USH2A: variants seen among roughly 807,000 people sequenced by gnomAD.
The protein encoded by USH2A is usherin.
USH2A carries 443 observed loss-of-function variants against 538.9 expected under a neutral mutation model. The observed-to-expected ratio is 0.82, with a 90% CI of 0.76 to 0.89. The LOEUF (loss-of-function observed/expected upper bound fraction) is 0.89, where lower values mean the gene tolerates loss of function less well. Ranked by LOEUF, USH2A falls within the 40% of genes least tolerant of loss-of-function variation. USH2A has a pLI of 0.00. For synonymous variants in USH2A, 2,413 were observed against 2,273.5 expected, an observed-to-expected ratio of 1.06 and a Z score of -1.75; for missense variants, 6,633 against 6,324.8, an observed-to-expected ratio of 1.05 and a Z score of -1.65.
chr1:215,823,307 G>T (rs916875742), intron 47 of USH2A, among the ~76,000 whole-genome samples: 11 of 151,968 alleles, frequency 7.2e-5, no homozygotes, highest in African/African-American at 2.7e-4. Context: ...TTTATTGTAT[G>T]CAGTACTTTT....
At position 216,182,062 on chromosome 1, in the gene USH2A, C is replaced by T. The variant is rs1283704118; in HGVS notation, c.4397-6580G>A. On this transcript the variant is annotated intron_variant, in intron 20 of 71. Transcript: ENST00000307340. Reference sequence around the variant, plus strand: ...GACCTATTTTAATAGGATACTTAGGCTTTAAATTAAAAGGAGGGGGCACTG... The same window carrying T: ...GACCTATTTTAATAGGATACTTAGGTTTTAAATTAAAAGGAGGGGGCACTG... 3.3e-5 allele frequency among the ~76,000 whole-genome samples: 5 copies of T among 151,998 alleles called. No homozygotes were observed. In the East Asian group the frequency reaches 9.7e-4, roughly 29 times the overall value.
At chr1:216,250,760 A>G (rs2036142186) in intron 12 of USH2A, 143 bp downstream of exon 12, 1 of 835,828 alleles carries the variant, frequency 1.2e-6, no homozygotes, top group Non-Finnish European at 2.0e-6. Context: ...CATTTTAAAC[A>G]GTTAATTTCA....
At chr1:216,348,612 A>AT (rs1270215910) in intron 4 of USH2A, among the ~76,000 whole-genome samples, 1 of 152,116 alleles carries the variant, frequency 6.6e-6, no homozygotes, top group South Asian at 2.1e-4. Flanking sequence ...AAAAATAGTT[A>AT]TTTTTTAGCA....
chr1:215,911,781 C>G (rs1665791110), intron 38 of USH2A, among the ~76,000 whole-genome samples: 1 of 152,044 alleles, frequency 6.6e-6, no homozygotes, highest in Admixed American at 6.6e-5. Context: ...TGAGAAACCT[C>G]CAAATGGTTC....
chr1:215,809,641 A>G (rs1408325339), intron 49 of USH2A, among the ~76,000 whole-genome samples: 7 of 152,102 alleles, frequency 4.6e-5, no homozygotes, highest in Non-Finnish European at 1.0e-4. Context: ...CTAACAGTTA[A>G]TTGTTATTCT....
At position 215,867,040 on chromosome 1, in the gene USH2A, G is replaced by C; in HGVS notation, c.8812C>G (p.His2938Asp). The stretch of plus-strand genomic sequence containing the variant: ...GCCCACCTCACGTCGATGGCTGTGT[G>C]GTTAAGGACACTCGCAGTGAGATTG... ...GANLTASVLN[H>D]TAIDVRWAKP... The change falls in exon 44 of 72, where the codon CAC becomes GAC. Residue 2938 changes from histidine to aspartate, a missense_variant. Coordinates refer to ENST00000307340, the MANE Select transcript of USH2A (RefSeq NM_206933.4). 1 of 1,614,174 alleles carries C rather than the reference G, an allele frequency of 6.2e-7. No homozygotes were observed. The highest frequency in any genetic ancestry group is 1.1e-5 in the South Asian group (1 of 91,084).
intron 35 of USH2A, among the ~76,000 whole-genome samples, chr1:215,977,069 TCA>T (rs1474644708): frequency 1.3e-5 from 2 of 151,216 alleles, no homozygotes; most frequent in Non-Finnish European, 2.9e-5. Context: ...AAACACATCC[TCA>T]GAGACTATTA....
intron 1 of USH2A, 66 bp from the exon 2 acceptor site, chr1:216,422,606 A>C (rs2039698648): frequency 2.3e-6 from 1 of 436,416 alleles, no homozygotes; most frequent in African/African-American, 2.0e-5. Flanking sequence ...AGCTCATCCC[A>C]GGCCTGAGGA....
At chr1:216,287,406 G>T (rs1187749293) in intron 11 of USH2A, among the ~76,000 whole-genome samples, 3 of 152,144 alleles carry the variant, frequency 2.0e-5, no homozygotes, top group Non-Finnish European at 4.4e-5. Context: ...TGTTAAGAAA[G>T]AAATCTAGAG....
intron 61 of USH2A, among the ~76,000 whole-genome samples, chr1:215,716,555 C>T (rs530972869): frequency 3.4e-4 from 51 of 152,086 alleles, no homozygotes; most frequent in Non-Finnish European, 6.3e-4. Context: ...GGAATTTGTA[C>T]GATAAAATTC....
Position 215,846,034 on chromosome 1 carries a change from C to T in USH2A, c.8846-1G>A, listed in dbSNP as rs771051185. ...ACTTCACCTTGTAGGTCTTGAACAGCTGTCAACAATAAATGCAGGACATGG... is the reference window on the plus strand; with the variant it reads ...ACTTCACCTTGTAGGTCTTGAACAGTTGTCAACAATAAATGCAGGACATGG... On this transcript the variant is annotated splice_acceptor_variant, in intron 44 of 71. Transcript: ENST00000307340. LOFTEE classifies it high-confidence loss of function. The T allele has an allele frequency of 6.2e-7, 1 of 1,613,284 alleles. No homozygotes were observed. The highest frequency in any genetic ancestry group is 1.3e-5 in the African/African-American group (1 of 74,808).
In USH2A at chr1:216,362,718, G is replaced by A. The variant is rs376610441; in HGVS notation, c.784+2235C>T. The stretch of plus-strand genomic sequence containing the variant: ...AGCACTTTGAGAGGCCAAGGTGGGT[G>A]GATCACCTGAGGCCAGGAGTTCGAG... On this transcript the variant is annotated intron_variant, in intron 4 of 71. Coordinates refer to ENST00000307340, the MANE Select transcript of USH2A (RefSeq NM_206933.4). Among the ~76,000 whole-genome samples, 21 of 151,990 alleles carry A rather than the reference G, an allele frequency of 1.4e-4. No individual in the cohort carries two copies. In the East Asian group the frequency reaches 3.9e-3, roughly 28 times the overall value.
At chr1:215,897,343 G>A (rs532798062) in intron 40 of USH2A, among the ~76,000 whole-genome samples, 10 of 152,224 alleles carry the variant, frequency 6.6e-5, no homozygotes, top group Middle Eastern at 3.4e-3. Flanking sequence ...GGCACGAGGC[G>A]ACTTCTCTGT....
chr1:215,676,751 G>T (rs930755256), intron 62 of USH2A, among the ~76,000 whole-genome samples: 1 of 151,768 alleles, frequency 6.6e-6, no homozygotes, highest in African/African-American at 2.4e-5. Context: ...GGGAGCATAG[G>T]TTCCATAACT....
intron 3 of USH2A, among the ~76,000 whole-genome samples, chr1:216,366,876 A>C (rs1184196497): frequency 6.6e-6 from 1 of 151,978 alleles, no homozygotes; most frequent in Non-Finnish European, 1.5e-5. Context: ...TTTGCATCCC[A>C]TTTTTTACAG....
At chr1:215,760,960 T>C (rs924559955) in intron 56 of USH2A, among the ~76,000 whole-genome samples, 1 of 152,200 alleles carries the variant, frequency 6.6e-6, no homozygotes, top group Non-Finnish European at 1.5e-5. Context: ...TATAACCCTT[T>C]TGAATTTATT....
chr1:215,641,110 G>C (rs940436002), intron 67 of USH2A, among the ~76,000 whole-genome samples: 2 of 152,136 alleles, frequency 1.3e-5, no homozygotes, highest in Non-Finnish European at 2.9e-5. Context: ...AACAGGTAAA[G>C]TATCCTTAAT....
In USH2A at chr1:216,325,376, C is replaced by A. The variant is rs752629331; in HGVS notation, c.1072G>T (p.Val358Leu). The A allele has an allele frequency of 5.0e-6, 8 of 1,613,774 alleles. No individual in the cohort carries two copies. Among genetic ancestry groups the A allele is most frequent in the Non-Finnish European group, 8.5e-7 (1 of 1,179,906 alleles). ...TTAAGCTGTGTAATGTTTGTAAACACATTTGAAACCCATGAAGTACCAACA... is the reference window on the plus strand; with the variant it reads ...TTAAGCTGTGTAATGTTTGTAAACAAATTTGAAACCCATGAAGTACCAACA... ...NDVGTSWVSN[V>L]FTNITQLNQG... Residue 358 changes from valine to leucine, a missense_variant, in exon 6 of 72, where the codon GTG becomes TTG. Transcript: ENST00000307340.
At chr1:215,633,170 G>A (rs1656362931) in intron 70 of USH2A, among the ~76,000 whole-genome samples, 1 of 152,218 alleles carries the variant, frequency 6.6e-6, no homozygotes, top group Admixed American at 6.5e-5. Flanking sequence ...AAGCAAGAGT[G>A]TGAGCCACCC....
Sources: gnomAD v4.1 joint callset for allele counts (sites outside exome capture counted in the v4.1 genomes callset) on GRCh38, gnomAD v4.1.1 for gene constraint, MANE v1.5 for transcripts, NCBI Gene and HGNC (gene_info 2026-07-23, HGNC 2026-07-21) for gene names.